PAM: variants seen among roughly 807,000 people sequenced by gnomAD.
The protein encoded by PAM is peptidyl-glycine alpha-amidating monooxygenase.
In PAM, 72 loss-of-function variants were observed where a neutral mutation model predicts 122.1. The ratio of observed to expected loss-of-function variants is 0.59; its 90% confidence interval spans 0.49 to 0.72. The LOEUF (loss-of-function observed/expected upper bound fraction) is 0.72, where lower values mean the gene tolerates loss of function less well. Among genes scored for constraint, PAM ranks in the 30% least tolerant of loss-of-function variants. The probability of loss-of-function intolerance (pLI) is 0.00; values close to 1 mark genes in which losing one functional copy is unlikely to be tolerated. For missense variants in PAM, 1,106 were observed against 1,183.7 expected, an observed-to-expected ratio of 0.93 and a Z score of 0.96; for synonymous variants, 389 against 404.4, an observed-to-expected ratio of 0.96 and a Z score of 0.46.
At chr5:102,998,847 C>A (rs1471457223) in intron 16 of PAM, among the ~76,000 whole-genome samples, 3 of 152,118 alleles carry the variant, frequency 2.0e-5, no homozygotes, top group Non-Finnish European at 4.4e-5. Flanking sequence ...TGAAATGTTT[C>A]TGAATAATGA....
At chr5:103,022,425 T>C (rs73181433) in intron 23 of PAM, among the ~76,000 whole-genome samples, 2,480 of 152,244 alleles carry the variant, frequency 0.016, 61 homozygotes, top group African/African-American at 0.057. Context: ...TAGACTTCTC[T>C]TCTGTTAGGG....
chr5:102,791,380 T>TC (rs1225369487), intron 1 of PAM, among the ~76,000 whole-genome samples: 1 of 152,084 alleles, frequency 6.6e-6, no homozygotes. Flanking sequence ...AAATTAGCTT[T>TC]CTTTTTTTTA....
At chr5:102,925,956 T>C (rs1253284290) in intron 6 of PAM, among the ~76,000 whole-genome samples, 2 of 152,208 alleles carry the variant, frequency 1.3e-5, no homozygotes, top group African/African-American at 2.4e-5. Flanking sequence ...GACATTTTTG[T>C]AGATACCTCT....
intron 1 of PAM, among the ~76,000 whole-genome samples, chr5:102,801,772 A>ATTTTTTTTTTTTT (rs36068804): frequency 2.0e-4 from 20 of 98,974 alleles, no homozygotes; most frequent in South Asian, 6.9e-4. Flanking sequence ...GGGAAAAGGT[A>ATTTTTTTTTTTTT]TTTTTTTTTT....
intron 12 of PAM, among the ~76,000 whole-genome samples, chr5:102,953,464 T>G (rs1345511726): frequency 6.6e-6 from 1 of 152,068 alleles, no homozygotes; most frequent in African/African-American, 2.4e-5. Flanking sequence ...CACAGATATA[T>G]TAATACAAAT....
intron 3 of PAM, among the ~76,000 whole-genome samples, chr5:102,888,853 T>C (rs746562649): frequency 6.6e-6 from 1 of 151,996 alleles, no homozygotes; most frequent in Non-Finnish European, 1.5e-5. Flanking sequence ...ATTAAAATTT[T>C]ATTGAATTAA....
chr5:103,014,174 G>A (rs949149691), intron 21 of PAM, among the ~76,000 whole-genome samples: 1 of 152,256 alleles, frequency 6.6e-6, no homozygotes. Flanking sequence ...TAATGATAAT[G>A]TACTGTGTCA....
At chr5:102,871,272 T>C (rs2151006614) in intron 3 of PAM, among the ~76,000 whole-genome samples, 1 of 152,296 alleles carries the variant, frequency 6.6e-6, no homozygotes, top group South Asian at 2.1e-4. Context: ...TCAGTTGCCT[T>C]GCACATGATA....
At chr5:102,876,708 A>G (rs1789321534) in intron 3 of PAM, among the ~76,000 whole-genome samples, 2 of 152,212 alleles carry the variant, frequency 1.3e-5, no homozygotes, top group Admixed American at 1.3e-4. Flanking sequence ...AAAACATTAC[A>G]AAAGGTTAGT....
chr5:102,928,076 C>A (rs1248373824), intron 7 of PAM, among the ~76,000 whole-genome samples: 1 of 152,112 alleles, frequency 6.6e-6, no homozygotes, highest in African/African-American at 2.4e-5. Context: ...ATTGACAAAG[C>A]TTTAATTTCC....
At chr5:103,013,023 G>A (rs1203561020) in intron 21 of PAM, among the ~76,000 whole-genome samples, 1 of 152,078 alleles carries the variant, frequency 6.6e-6, no homozygotes, top group African/African-American at 2.4e-5. Flanking sequence ...CTCCAGTTTT[G>A]TTCTTTTTGC....
intron 14 of PAM, among the ~76,000 whole-genome samples, chr5:102,961,608 T>C (rs932679924): frequency 2.6e-5 from 4 of 151,908 alleles, no homozygotes; most frequent in East Asian, 1.9e-4. Context: ...ATTAAGTAGA[T>C]TTGAGATTCA....
At chr5:102,873,316 C>T (rs934549997) in intron 3 of PAM, 1 of 152,210 alleles carries the variant, frequency 6.6e-6, no homozygotes, top group Non-Finnish European at 1.5e-5. Context: ...TGAGTTTAAA[C>T]CTCACTGCAG....
intron 1 of PAM, among the ~76,000 whole-genome samples, chr5:102,827,570 A>G (rs1167072878): frequency 6.6e-6 from 1 of 151,992 alleles, no homozygotes; most frequent in Non-Finnish European, 1.5e-5. Context: ...AATTTGAAAT[A>G]TTCCAAGTCT....
At chr5:102,829,529 A>G (rs2150409578) in intron 1 of PAM, among the ~76,000 whole-genome samples, 1 of 151,702 alleles carries the variant, frequency 6.6e-6, no homozygotes, top group Non-Finnish European at 1.5e-5. Flanking sequence ...CCACCACCAC[A>G]CCCGGATAAT....
intron 1 of PAM, chr5:102,837,924 A>G (rs952653004): frequency 1.3e-5 from 2 of 152,236 alleles, no homozygotes; most frequent in African/African-American, 4.8e-5. Flanking sequence ...GGCATCATGC[A>G]TATGCAGAAA....
At chr5:102,795,064 C>T (rs907968293) in intron 1 of PAM, among the ~76,000 whole-genome samples, 77 of 151,660 alleles carry the variant, frequency 5.1e-4, no homozygotes, top group African/African-American at 1.8e-3. Flanking sequence ...GTGGTGGGCT[C>T]TGTTAGTCCC....
chr5:102,874,831 T>A (rs1561716923), intron 3 of PAM, among the ~76,000 whole-genome samples: 1 of 152,172 alleles, frequency 6.6e-6, no homozygotes, highest in African/African-American at 2.4e-5. Context: ...TTACGTACAT[T>A]GTCTCATTAA....
At chr5:103,009,950 A>T (rs913948394) in intron 21 of PAM, 84 bp downstream of exon 21, 1 of 554,190 alleles carries the variant, frequency 1.8e-6, no homozygotes, top group African/African-American at 2.0e-5. Context: ...GTACTTGAAT[A>T]GCTTTAGAAA....
Sources: gnomAD v4.1 joint callset for allele counts (sites outside exome capture counted in the v4.1 genomes callset) on GRCh38, gnomAD v4.1.1 for gene constraint, MANE v1.5 for transcripts, NCBI Gene and HGNC (gene_info 2026-07-23, HGNC 2026-07-21) for gene names.